RBKS: variants seen among roughly 807,000 people sequenced by gnomAD.
RBKS encodes the protein ribokinase.
A neutral mutation model predicts 33.9 loss-of-function variants in RBKS; 33 were observed. That is an observed-to-expected ratio of 0.97 (90% CI 0.74 to 1.30). The LOEUF (loss-of-function observed/expected upper bound fraction) is 1.30, where lower values mean the gene tolerates loss of function less well. Among genes scored for constraint, RBKS ranks in the 50% most tolerant of loss-of-function variants. The pLI is 0.00. For synonymous variants in RBKS, 125 were observed against 143.0 expected (o/e 0.87, Z 0.90); for missense variants, 361 against 392.6 (o/e 0.92, Z 0.68).
chr2:27,783,068 T>C (rs896892130), intron 7 of RBKS, among the ~76,000 whole-genome samples: 1 of 152,242 alleles, frequency 6.6e-6, no homozygotes, highest in Non-Finnish European at 1.5e-5. Context: ...GCTTTGGCCA[T>C]TGGGAGCTTT....
At chr2:27,847,949 A>G (rs973272287) in intron 3 of RBKS, 85 bp downstream of exon 3, 13 of 768,500 alleles carry the variant, frequency 1.7e-5, no homozygotes, top group African/African-American at 1.8e-5. Flanking sequence ...AGGTCTAATA[A>G]TCCTCCTCTA....
At chr2:27,854,127 G>A (rs1663803638) in intron 2 of RBKS, among the ~76,000 whole-genome samples, 1 of 152,158 alleles carries the variant, frequency 6.6e-6, no homozygotes, top group South Asian at 2.1e-4. Context: ...TCAATCCATT[G>A]TGGACTAACA....
At chr2:27,869,742 C>T in intron 1 of RBKS, 1 of 184,820 alleles carries the variant, frequency 5.4e-6, no homozygotes, top group Non-Finnish European at 1.1e-5. Context: ...CTAGACGGTC[C>T]TATCTGGGGG....
chr2:27,822,061 A>G (rs1225683080), intron 7 of RBKS, among the ~76,000 whole-genome samples: 1 of 152,190 alleles, frequency 6.6e-6, no homozygotes, highest in African/African-American at 2.4e-5. Context: ...CAAAGAAAGT[A>G]TATGTTGATC....
At chr2:27,886,222 GA>G (rs940261264) in intron 1 of RBKS, among the ~76,000 whole-genome samples, 46 of 148,344 alleles carry the variant, frequency 3.1e-4, no homozygotes, top group East Asian at 2.1e-3. Flanking sequence ...AATTAGAAAT[GA>G]AAAAAAAGGT....
At chr2:27,856,960 C>A (rs998653246) in intron 2 of RBKS, among the ~76,000 whole-genome samples, 1 of 152,178 alleles carries the variant, frequency 6.6e-6, no homozygotes, top group Admixed American at 6.5e-5. Flanking sequence ...TATTTTAAAT[C>A]TATCAAGAGC....
At chr2:27,815,100 A>C (rs1678061712) in intron 7 of RBKS, among the ~76,000 whole-genome samples, 1 of 151,550 alleles carries the variant, frequency 6.6e-6, no homozygotes, top group Admixed American at 6.6e-5. Flanking sequence ...TGAACCACAC[A>C]CCTCTTTTTC....
chr2:27,802,581 G>A (rs1402056595), intron 7 of RBKS, among the ~76,000 whole-genome samples: 2 of 152,092 alleles, frequency 1.3e-5, no homozygotes, highest in African/African-American at 4.8e-5. Context: ...AATGAAGCAG[G>A]ACCTCTTGTC....
rs559134265 is a variant in RBKS, at chr2:27,837,365, C to G, written c.515-4588G>C. 6.6e-6 allele frequency among the ~76,000 whole-genome samples: 1 copy of G among 152,194 alleles called. No homozygotes were observed. Among genetic ancestry groups the G allele is most frequent in the Non-Finnish European group, 1.5e-5 (1 of 68,016 alleles). On this transcript the variant is annotated intron_variant, in intron 5 of 7. Coordinates refer to ENST00000302188, the MANE Select transcript of RBKS (RefSeq NM_022128.3). The surrounding 1 kb of genome is among the most constrained non-coding windows in gnomAD (Gnocchi z 4.0). ...CTGCAGAGAGAAGGAAACACTTATA[C>G]ACTGTTGGCAGGAATGTAACTTAGT... is the stretch of plus-strand genomic sequence containing the variant.
chr2:27,886,360 A>G (rs1573083833), intron 1 of RBKS, among the ~76,000 whole-genome samples: 1 of 152,246 alleles, frequency 6.6e-6, no homozygotes, highest in Non-Finnish European at 1.5e-5. Flanking sequence ...ATACTAAAGA[A>G]TAGGCATGCG....
At chr2:27,808,778 G>A (rs1321339679) in intron 7 of RBKS, among the ~76,000 whole-genome samples, 3 of 152,208 alleles carry the variant, frequency 2.0e-5, no homozygotes, top group African/African-American at 7.2e-5. Context: ...TAGATATACT[G>A]TCTTGTATTG....
At chr2:27,868,333 G>C (rs1346216682) in intron 1 of RBKS, among the ~76,000 whole-genome samples, 1 of 151,812 alleles carries the variant, frequency 6.6e-6, no homozygotes, top group Non-Finnish European at 1.5e-5. Context: ...GATGATCTAG[G>C]GTAGGCATTA....
chr2:27,866,590 G>A (rs769321533), intron 1 of RBKS, among the ~76,000 whole-genome samples: 1 of 151,880 alleles, frequency 6.6e-6, no homozygotes, highest in Non-Finnish European at 1.5e-5. Context: ...TTTTCTCTGT[G>A]CTTCAGTTTA....
rs937703275 is a variant in RBKS, at chr2:27,829,369, T to G, written c.607-1614A>C. ...TTGATCCCTGCTTTTCAGTGTTTTT[T>G]TTTTTTTTTTTTTTTTGAGACAAGA... On this transcript the variant is annotated intron_variant, in intron 6 of 7. Transcript: ENST00000302188. Among the ~76,000 whole-genome samples, 12 of 147,946 alleles carry G rather than the reference T, an allele frequency of 8.1e-5. 1 individual carries two copies. The highest frequency in any genetic ancestry group is 1.3e-4 in the African/African-American group (5 of 39,804).
At chr2:27,827,408 G>C (rs1678332593) in intron 7 of RBKS, among the ~76,000 whole-genome samples, 159 bp downstream of exon 7, 1 of 151,904 alleles carries the variant, frequency 6.6e-6, no homozygotes, top group Admixed American at 6.6e-5. Flanking sequence ...AGTTAGAGAG[G>C]GATTAAAATA....
chr2:27,801,963 A>AAATATAT (rs1308232858), intron 7 of RBKS, among the ~76,000 whole-genome samples: 9 of 47,620 alleles, frequency 1.9e-4, no homozygotes, highest in Admixed American at 2.7e-4. Context: ...AAAAAAAAAA[A>AAATATAT]ATATATATAT....
chr2:27,801,949 G>GAAAAAAAAAAAAA (rs1397935633), intron 7 of RBKS, among the ~76,000 whole-genome samples: 13 of 54,752 alleles, frequency 2.4e-4, no homozygotes, highest in Non-Finnish European at 3.6e-4. Flanking sequence ...GAGTAGCTGG[G>GAAAAAAAAAAAAA]GAAAAAAAAA....
rs760618504 is a variant in RBKS, at chr2:27,837,326, A to G, written c.515-4549T>C. On this transcript the variant is annotated intron_variant, in intron 5 of 7. Coordinates refer to ENST00000302188, the MANE Select transcript of RBKS (RefSeq NM_022128.3). This position sits in a 1 kb window ranked among gnomAD's most constrained non-coding sequence, Gnocchi z 4.0. ...AAAAAACAAAAAGTCAAAACACAAC[A>G]GATGCTGGTGAGGCTGCAGAGAGAA... Among the ~76,000 whole-genome samples the G allele has an allele frequency of 6.6e-6, 1 of 152,136 alleles. No homozygotes were observed. The highest frequency in any genetic ancestry group is 1.5e-5 in the Non-Finnish European group (1 of 67,990).
In RBKS at chr2:27,858,524, T is replaced by C; in HGVS notation, c.137A>G (p.Lys46Arg). 1 of 1,613,978 alleles carries C rather than the reference T, an allele frequency of 6.2e-7. No individual in the cohort carries two copies. Among genetic ancestry groups the C allele is most frequent in the South Asian group, 1.1e-5 (1 of 91,066 alleles). The change falls in exon 2 of 8, where the codon AAG (lysine) becomes AGG (arginine). Residue 46 changes from lysine to arginine, a missense_variant. Coordinates refer to ENST00000302188, the MANE Select transcript of RBKS (RefSeq NM_022128.3). ...TTTCCCTCCAAAGCCAATAAAAAACTTATGTCCATGGATGGTTTCTCCAGT... is the reference window on the plus strand; with the variant it reads ...TTTCCCTCCAAAGCCAATAAAAAACCTATGTCCATGGATGGTTTCTCCAGT... ...PKTGETIHGHKFFIGFGGKGA... is the reference protein window; with the variant it reads ...PKTGETIHGHRFFIGFGGKGA...
Sources: gnomAD v4.1 joint callset for allele counts (sites outside exome capture counted in the v4.1 genomes callset) on GRCh38, gnomAD v4.1.1 for gene constraint, Gnocchi (gnomAD v3.1) non-coding constraint, MANE v1.5 for transcripts, NCBI Gene and HGNC (gene_info 2026-07-23, HGNC 2026-07-21) for gene names.